CXCL13: variants seen among roughly 807,000 people sequenced by gnomAD.
CXCL13 encodes the protein C-X-C motif chemokine 13.
In CXCL13, 7 loss-of-function variants were observed where a neutral mutation model predicts 12.2. The observed-to-expected ratio is 0.57, with a 90% CI of 0.33 to 1.07. The LOEUF is 1.07. Among genes scored for constraint, CXCL13 ranks in the 50% least tolerant of loss-of-function variants. The pLI, the probability that CXCL13 is intolerant of heterozygous loss-of-function variation, is 0.04. For missense variants in CXCL13, 113 were observed against 127.4 expected (o/e 0.89, Z 0.55); for synonymous variants, 47 against 42.4 (o/e 1.11, Z -0.42).
intron 1 of CXCL13, among the ~76,000 whole-genome samples, chr4:77,547,440 G>A (rs1056705865): frequency 6.6e-6 from 1 of 152,138 alleles, no homozygotes; most frequent in Non-Finnish European, 1.5e-5. Context: ...TATATAGTTA[G>A]GATAGTTAGC....
At chr4:77,522,728 A>G (rs974170995) in intron 1 of CXCL13, among the ~76,000 whole-genome samples, 1 of 151,556 alleles carries the variant, frequency 6.6e-6, no homozygotes, top group Non-Finnish European at 1.5e-5. Context: ...TAATATTGTT[A>G]TGTGTGAATT....
intron 1 of CXCL13, among the ~76,000 whole-genome samples, chr4:77,578,016 A>G (rs1250138769): frequency 2.0e-5 from 3 of 152,234 alleles, no homozygotes; most frequent in Admixed American, 6.5e-5. Flanking sequence ...GGAAAACTCA[A>G]TTTCCCAAAC....
At position 77,528,621 on chromosome 4, in the gene CXCL13, G is replaced by A. The variant is rs139567420; in HGVS notation, c.-43+16833G>A. 4.4e-3 allele frequency among the ~76,000 whole-genome samples: 667 copies of A among 152,206 alleles called. 17 individuals carry two copies. The highest frequency in any genetic ancestry group is 0.026 in the East Asian group (136 of 5,178). On this transcript the variant is annotated intron_variant, in intron 1 of 4. Transcript: ENST00000286758. ...ACATCCTTCGCCCACTTTTTGATGG[G>A]CCTGTTTGTTTTTTTCTTGTAAATT...
chr4:77,544,890 C>A lies in CXCL13; in HGVS notation c.-43+33102C>A, dbSNP rs189496967. On this transcript the variant is annotated intron_variant, in intron 1 of 4. Coordinates refer to the CXCL13 transcript ENST00000286758. ...TTTTTATGGTTTTAGGTCTAACATG[C>A]AAGTCTTTAATCCATCTTGAATTAA... 8.2e-3 allele frequency among the ~76,000 whole-genome samples: 1,241 copies of A among 152,114 alleles called. 10 individuals carry two copies. Among genetic ancestry groups the A allele is most frequent in the Non-Finnish European group, 0.013 (869 of 67,950 alleles).
At chr4:77,586,978 G>A (rs145826589) in intron 1 of CXCL13, among the ~76,000 whole-genome samples, 85 of 152,316 alleles carry the variant, frequency 5.6e-4, no homozygotes, top group African/African-American at 1.6e-3. Flanking sequence ...GGGGGACTCC[G>A]TCCTCTTCAG....
At chr4:77,603,794 TAGTC>T (rs76248757), upstream of CXCL13, among the ~76,000 whole-genome samples, 11,133 of 152,222 alleles carry the variant, frequency 0.073, 517 homozygotes, top group Middle Eastern at 0.16. Flanking sequence ...ACAGATTAGA[TAGTC>T]AGACAGACAG....
chr4:77,544,587 G>A (rs1020889850), intron 1 of CXCL13, among the ~76,000 whole-genome samples: 1 of 152,130 alleles, frequency 6.6e-6, no homozygotes, highest in African/African-American at 2.4e-5. Flanking sequence ...ACTTTTTGAT[G>A]GGGTTGTTTG....
intron 1 of CXCL13, among the ~76,000 whole-genome samples, chr4:77,570,985 C>T (rs575034769): frequency 1.6e-4 from 25 of 152,122 alleles, no homozygotes; most frequent in African/African-American, 4.8e-4. Context: ...GACTCCCTGA[C>T]GAATGCCGCT....
intron 1 of CXCL13, among the ~76,000 whole-genome samples, chr4:77,573,952 A>G (rs769837656): frequency 6.6e-5 from 10 of 151,998 alleles, no homozygotes; most frequent in East Asian, 1.9e-4. Flanking sequence ...TTGTGCATCC[A>G]TGGTTAAGTC....
At chr4:77,581,969 A>G (rs1726343959) in intron 1 of CXCL13, among the ~76,000 whole-genome samples, 1 of 152,170 alleles carries the variant, frequency 6.6e-6, no homozygotes, top group Non-Finnish European at 1.5e-5. Context: ...TCACTAAAGG[A>G]GAGTAGTGAG....
At chr4:77,543,932 G>A (rs1431298361) in intron 1 of CXCL13, among the ~76,000 whole-genome samples, 14 of 152,072 alleles carry the variant, frequency 9.2e-5, no homozygotes, top group Admixed American at 9.2e-4. Flanking sequence ...GGTGTGTGAT[G>A]TTCCCCACCC....
chr4:77,543,165 A>T (rs1488062064), intron 1 of CXCL13, among the ~76,000 whole-genome samples: 1 of 151,942 alleles, frequency 6.6e-6, no homozygotes, highest in African/African-American at 2.4e-5. Context: ...TGTTCATAAT[A>T]GTCTCTAAGG....
intron 1 of CXCL13, among the ~76,000 whole-genome samples, chr4:77,512,682 T>C (rs1724304416): frequency 6.6e-6 from 1 of 152,206 alleles, no homozygotes; most frequent in African/African-American, 2.4e-5. Flanking sequence ...CCAAATACAG[T>C]ATTATTCTAA....
chr4:77,532,112 T>C (rs1724942882), intron 1 of CXCL13, among the ~76,000 whole-genome samples: 1 of 152,224 alleles, frequency 6.6e-6, no homozygotes, highest in African/African-American at 2.4e-5. Context: ...GTTATTTTGC[T>C]TGTTAGTTGA....
intron 1 of CXCL13, among the ~76,000 whole-genome samples, chr4:77,533,734 C>G (rs547912814): frequency 5.9e-5 from 9 of 152,114 alleles, no homozygotes; most frequent in African/African-American, 1.9e-4. Flanking sequence ...TCAGCAATGG[C>G]GGGCACCCCT....
chr4:77,519,857 T>G (rs890651387), intron 1 of CXCL13, among the ~76,000 whole-genome samples: 7 of 152,226 alleles, frequency 4.6e-5, no homozygotes, highest in Admixed American at 4.6e-4. Flanking sequence ...GGTCTAACAT[T>G]TAAGTCTTTA....
intron 1 of CXCL13, among the ~76,000 whole-genome samples, chr4:77,589,431 G>A (rs1377131161): frequency 6.6e-6 from 1 of 151,974 alleles, no homozygotes; most frequent in Admixed American, 6.6e-5. Context: ...ACTTAAAAAT[G>A]GCCATAAAGC....
Position 77,514,650 on chromosome 4 carries a change from G to A in CXCL13, c.-43+2862G>A, listed in dbSNP as rs1334977385. 7.4e-3 allele frequency among the ~76,000 whole-genome samples: 1,106 copies of A among 149,858 alleles called. 11 individuals are homozygous for A. Among genetic ancestry groups the A allele is most frequent in the African/African-American group, 0.024 (998 of 40,832 alleles). On this transcript the variant is annotated intron_variant, in intron 1 of 4. Coordinates refer to the CXCL13 transcript ENST00000286758. ...TGTCCTTCGCCCACTTTTTGATGGG[G>A]TTGTTTGTTTTTTTCTTGTAAATTT... is the stretch of plus-strand genomic sequence containing the variant.
intron 1 of CXCL13, among the ~76,000 whole-genome samples, chr4:77,559,022 A>T (rs550641674): frequency 3.9e-5 from 6 of 152,142 alleles, no homozygotes; most frequent in African/African-American, 1.4e-4. Context: ...TATTTCTCCA[A>T]TGTCAGATAT....
Sources: gnomAD v4.1 joint callset for allele counts (sites outside exome capture counted in the v4.1 genomes callset) on GRCh38, gnomAD v4.1.1 for gene constraint, MANE v1.5 for transcripts, NCBI Gene and HGNC (gene_info 2026-07-23, HGNC 2026-07-21) for gene names.